TMEM181: variants seen among roughly 807,000 people sequenced by gnomAD.
TMEM181 encodes G protein-coupled receptor 178.
TMEM181 carries 39 observed loss-of-function variants against 71.9 expected under a neutral mutation model. The observed-to-expected ratio is 0.54, with a 90% CI of 0.42 to 0.71. The LOEUF (loss-of-function observed/expected upper bound fraction) is 0.71. Ranked by LOEUF, TMEM181 falls within the 30% of genes least tolerant of loss-of-function variation. TMEM181 has a pLI of 0.00. For synonymous variants in TMEM181, 245 were observed against 228.8 expected (o/e 1.07, Z -0.64); for missense variants, 595 against 583.0 (o/e 1.02, Z -0.21).
intron 4 of TMEM181, among the ~76,000 whole-genome samples, chr6:158,584,993 A>G (rs1016500695): frequency 6.6e-6 from 1 of 152,226 alleles, no homozygotes; most frequent in African/African-American, 2.4e-5. Context: ...TAAGTTAAAA[A>G]TGTATGTGAG....
At chr6:158,542,386 A>G (rs1781386761) in intron 1 of TMEM181, among the ~76,000 whole-genome samples, 1 of 152,222 alleles carries the variant, frequency 6.6e-6, no homozygotes, top group Admixed American at 6.5e-5. Context: ...GTTTACATGC[A>G]TCATCTTATA....
At chr6:158,556,837 A>G (rs1266630522), upstream of TMEM181, among the ~76,000 whole-genome samples, 1 of 151,796 alleles carries the variant, frequency 6.6e-6, no homozygotes, top group South Asian at 2.1e-4. Context: ...ATCTTGGCTC[A>G]CTGTAACCTC....
intron 1 of TMEM181, among the ~76,000 whole-genome samples, chr6:158,567,748 A>G (rs1445455454): frequency 6.6e-6 from 1 of 152,204 alleles, no homozygotes; most frequent in Non-Finnish European, 1.5e-5. Context: ...GATCTAGGGC[A>G]AGTAATGGAA....
At chr6:158,598,489 A>G in intron 6 of TMEM181, among the ~76,000 whole-genome samples, 1 of 151,936 alleles carries the variant, frequency 6.6e-6, no homozygotes, top group South Asian at 2.1e-4. Context: ...GCCTGGCCAT[A>G]CTTTCCTGAG....
intron 1 of TMEM181, among the ~76,000 whole-genome samples, chr6:158,540,968 C>T (rs1002558444): frequency 2.6e-5 from 4 of 152,212 alleles, no homozygotes; most frequent in African/African-American, 9.7e-5. Flanking sequence ...CGAGGTCTCA[C>T]TATGTTGCCC....
intron 1 of TMEM181, among the ~76,000 whole-genome samples, chr6:158,551,505 G>C (rs1322782802): frequency 2.0e-5 from 3 of 152,086 alleles, no homozygotes; most frequent in Non-Finnish European, 2.9e-5. Flanking sequence ...CAAAACACAG[G>C]ATAGCCAGGG....
rs970939308 is a variant in TMEM181 at position 158,625,625 on chromosome 6, T to A, written c.1058-78T>A. On this transcript the variant is annotated intron_variant, in intron 12 of 16. Transcript: ENST00000684151. ...ATTTGTCCAAAGAGCTTTGCTTAAT[T>A]TTTGTTTTTTATTTTTCAAAATAAA... The A allele has an allele frequency of 3.8e-6, 5 of 1,327,046 alleles. No homozygotes were observed. In the African/African-American group the frequency reaches 7.4e-5, roughly 20 times the overall value. The allele number at this position is 1,327,046 out of a possible 1,614,324, so 82.2% of individuals were successfully genotyped here.
At chr6:158,566,522 G>A (rs113574160) in intron 1 of TMEM181, among the ~76,000 whole-genome samples, 94 of 100,108 alleles carry the variant, frequency 9.4e-4, no homozygotes, top group East Asian at 2.9e-3. Context: ...ATGATGGTGA[G>A]GAGTTGAGGG....
intron 10 of TMEM181, among the ~76,000 whole-genome samples, chr6:158,618,553 T>G (rs1339833228): frequency 6.6e-6 from 1 of 152,232 alleles, no homozygotes; most frequent in Non-Finnish European, 1.5e-5. Context: ...AGCTGGTTAT[T>G]TTGCTTGTTA....
chr6:158,538,733 C>G (rs573017860), intron 1 of TMEM181, among the ~76,000 whole-genome samples: 237 of 152,294 alleles, frequency 1.6e-3, no homozygotes, highest in Non-Finnish European at 2.3e-3. Flanking sequence ...GAGAGACTGA[C>G]AGGGTGCTGC....
intron 6 of TMEM181, among the ~76,000 whole-genome samples, chr6:158,596,343 C>T (rs879323079): frequency 6.6e-6 from 1 of 152,232 alleles, no homozygotes; most frequent in Non-Finnish European, 1.5e-5. Context: ...CTTGCTTCTT[C>T]AGCAGTGCCG....
At position 158,585,316 on chromosome 6, in the gene TMEM181, A is replaced by C. The variant is rs1416098755; in HGVS notation, c.272A>C (p.Lys91Thr). ...ELDQSKETSI[K>T]TSFPMTVKVD... ...TTTTCTTTTGTAGAAACTTCTATTAAGACAAGCTTTCCCATGACTGTTAAA... is the reference window on the plus strand; with the variant it reads ...TTTTCTTTTGTAGAAACTTCTATTACGACAAGCTTTCCCATGACTGTTAAA... The change falls in exon 5 of 17, where the codon AAG becomes ACG. Residue 91 changes from lysine to threonine, a missense_variant. Lys to Thr is a moderately conservative substitution (Grantham distance 78). Coordinates refer to ENST00000684151, the MANE Select transcript of TMEM181 (RefSeq NM_001376852.1). 2 of 1,603,710 alleles carry C rather than the reference A, an allele frequency of 1.2e-6. No homozygotes were observed. The highest frequency in any genetic ancestry group is 1.7e-6 in the Non-Finnish European group (2 of 1,176,808).
chr6:158,588,386 C>T (rs1177095760), intron 5 of TMEM181, among the ~76,000 whole-genome samples: 1 of 152,212 alleles, frequency 6.6e-6, no homozygotes, highest in Non-Finnish European at 1.5e-5. Flanking sequence ...GTCAGCACCC[C>T]ACTGTGTTAA....
In TMEM181 at chr6:158,550,726, A is replaced by G. The variant is rs1289517549; in HGVS notation, c.131+13861A>G. Among the ~76,000 whole-genome samples the G allele has an allele frequency of 2.0e-5, 3 of 152,018 alleles. No homozygotes were observed. In the East Asian group the frequency reaches 5.8e-4, roughly 29 times the overall value. On this transcript the variant is annotated intron_variant, in intron 1 of 16. Transcript: ENST00000367090. ...AACAGAGTAGTCCCCAATTTTAGTA[A>G]TTTCATGGAACAAAGTTGGATTGGA...
intron 1 of TMEM181, among the ~76,000 whole-genome samples, chr6:158,545,622 C>A (rs1281455291): frequency 6.6e-6 from 1 of 151,096 alleles, no homozygotes; most frequent in South Asian, 2.1e-4. Flanking sequence ...TGGAAACATG[C>A]TGTAAGGGGG....
chr6:158,595,128 G>GT (rs898833639), intron 6 of TMEM181, among the ~76,000 whole-genome samples: 15 of 152,196 alleles, frequency 9.9e-5, no homozygotes, highest in Admixed American at 7.2e-4. Context: ...TCAGAAATCA[G>GT]TTTTTTGCTG....
intron 6 of TMEM181, among the ~76,000 whole-genome samples, chr6:158,595,179 A>G (rs1367754253): frequency 6.6e-6 from 1 of 152,250 alleles, no homozygotes; most frequent in African/African-American, 2.4e-5. Context: ...GATTTCTGGT[A>G]TAATTATCTG....
At chr6:158,551,813 C>A (rs1394480176) in intron 1 of TMEM181, among the ~76,000 whole-genome samples, 2 of 152,128 alleles carry the variant, frequency 1.3e-5, no homozygotes, top group Non-Finnish European at 2.9e-5. Flanking sequence ...AGAAGAGCTG[C>A]TATCACTGAT....
chr6:158,593,018 G>A (rs4709222), intron 6 of TMEM181, among the ~76,000 whole-genome samples: 55,177 of 152,066 alleles, frequency 0.36, 11,103 homozygotes, highest in East Asian at 0.75. Flanking sequence ...GGGGGGGTGT[G>A]AACTGATTTA....
Sources: gnomAD v4.1 joint callset for allele counts (sites outside exome capture counted in the v4.1 genomes callset) on GRCh38, gnomAD v4.1.1 for gene constraint, MANE v1.5 for transcripts, NCBI Gene and HGNC (gene_info 2026-07-23, HGNC 2026-07-21) for gene names.